Variants in CHN2 observed in about 807,000 individuals in gnomAD.
The protein encoded by CHN2 is chimerin 2, also known as beta-chimaerin.
Under a neutral mutation model 56.3 loss-of-function variants are expected in CHN2, and 35 were observed. That is an observed-to-expected ratio of 0.62 (90% CI 0.47 to 0.82). The LOEUF (loss-of-function observed/expected upper bound fraction) is 0.82, where lower values mean the gene tolerates loss of function less well. Among genes scored for constraint, CHN2 ranks in the 40% least tolerant of loss-of-function variants. The probability of loss-of-function intolerance (pLI) is 0.00; values close to 1 mark genes in which losing one functional copy is unlikely to be tolerated. For synonymous variants in CHN2, 210 were observed against 212.8 expected (o/e 0.99, Z 0.12); for missense variants, 491 against 580.5 (o/e 0.85, Z 1.58).
intron 1 of CHN2, among the ~76,000 whole-genome samples, chr7:29,351,474 A>T (rs1354786214): frequency 6.6e-6 from 1 of 152,234 alleles, no homozygotes; most frequent in African/African-American, 2.4e-5. Context: ...AAATAATTTC[A>T]GAGGGTAATA....
chr7:29,342,372 G>C (rs1182976013), intron 1 of CHN2, among the ~76,000 whole-genome samples: 5 of 152,204 alleles, frequency 3.3e-5, no homozygotes, highest in Non-Finnish European at 7.4e-5. Flanking sequence ...GAGGACCTCA[G>C]CTTCTCTTCC....
chr7:29,152,235 T>A (rs1040650381), intron 2 of CHN2, among the ~76,000 whole-genome samples: 2 of 152,174 alleles, frequency 1.3e-5, no homozygotes, highest in African/African-American at 4.8e-5. Context: ...GCATAAAACC[T>A]TATGTTGCTT....
Position 29,512,735 on chromosome 7 carries a change from ATCCATCAGGGAAATGAGC to A in CHN2, c.*2_*19del. On this transcript the variant is annotated 3_prime_UTR_variant, in exon 13 of 13. Coordinates refer to ENST00000222792, the MANE Select transcript of CHN2 (RefSeq NM_004067.4). ...TAGAAAACGAAGACGTTTTATTCTA[ATCCATCAGGGAAATGAGC>A]TGAATGGCCCCAGCACCATCCAAGT... The A allele has an allele frequency of 6.2e-7, 1 of 1,613,796 alleles. No homozygotes were observed. Among genetic ancestry groups the A allele is most frequent in the Non-Finnish European group, 8.5e-7 (1 of 1,179,894 alleles).
chr7:29,375,190 C>CTTTTTTTTTTTTTTTTTT lies in CHN2; in HGVS notation c.144+7214_144+7231dup, dbSNP rs70980534. Among the ~76,000 whole-genome samples, 4 of 77,908 alleles carry CTTTTTTTTTTTTTTTTTT rather than the reference C, an allele frequency of 5.1e-5. 2 individuals carry two copies. The highest frequency in any genetic ancestry group is 1.2e-4 in the African/African-American group (2 of 16,174). 51.1% of individuals were successfully genotyped at this position (77,908 alleles called of 152,430 possible). On this transcript the variant is annotated intron_variant, in intron 3 of 12. Transcript: ENST00000222792. Reference sequence around the variant, plus strand: ...CAAGCATGAGCCACCGTGCTCGGCCCTTTTTTTTTTTTTTTTTTTTTTTTT... The same window carrying CTTTTTTTTTTTTTTTTTT: ...CAAGCATGAGCCACCGTGCTCGGCCCTTTTTTTTTTTTTTTTTTTTTTTTTTTTTTTTTTTTTTTTTTT...
intron 1 of CHN2, among the ~76,000 whole-genome samples, chr7:29,233,743 G>T (rs972436255): frequency 6.8e-6 from 1 of 148,084 alleles, no homozygotes; most frequent in African/African-American, 2.5e-5. Context: ...CAGGACTGCT[G>T]GCAGCCTGTA....
intron 3 of CHN2, among the ~76,000 whole-genome samples, chr7:29,388,374 G>A (rs1242651389): frequency 6.6e-6 from 1 of 152,184 alleles, no homozygotes; most frequent in Non-Finnish European, 1.5e-5. Flanking sequence ...AGCAAGGGAT[G>A]GGCCTAACCC....
At chr7:29,462,452 G>C (rs1324465845) in intron 6 of CHN2, among the ~76,000 whole-genome samples, 1 of 152,176 alleles carries the variant, frequency 6.6e-6, no homozygotes, top group Non-Finnish European at 1.5e-5. Flanking sequence ...CATCTGAGAA[G>C]ACTCAAAGTC....
intron 2 of CHN2, among the ~76,000 whole-genome samples, chr7:29,155,925 G>A (rs547628652): frequency 1.3e-5 from 2 of 152,318 alleles, no homozygotes; most frequent in African/African-American, 2.4e-5. Context: ...GCCCTGAGCC[G>A]ATAGATCTAG....
chr7:29,500,089 T>G, intron 9 of CHN2, 49 bp downstream of exon 9: 1 of 1,368,584 alleles, frequency 7.3e-7, no homozygotes, highest in Non-Finnish European at 9.7e-7. Flanking sequence ...TTATTTTTAT[T>G]GTTTGTTTTT....
intron 2 of CHN2, among the ~76,000 whole-genome samples, chr7:29,362,477 G>A (rs1798813941): frequency 1.3e-5 from 2 of 152,144 alleles, no homozygotes; most frequent in African/African-American, 4.8e-5. Flanking sequence ...TTAAAACAGA[G>A]TAGATCATGG....
At chr7:29,508,556 A>G (rs1469291270) in intron 11 of CHN2, among the ~76,000 whole-genome samples, 1 of 151,946 alleles carries the variant, frequency 6.6e-6, no homozygotes, top group Non-Finnish European at 1.5e-5. Flanking sequence ...TGAGGCCCTG[A>G]CCCCGGTAAG....
intron 6 of CHN2, among the ~76,000 whole-genome samples, chr7:29,411,602 T>C (rs1803221727): frequency 1.3e-5 from 2 of 152,076 alleles, no homozygotes; most frequent in African/African-American, 4.8e-5. Context: ...GACCATGTGG[T>C]CAAGTCAGAG....
intron 1 of CHN2, among the ~76,000 whole-genome samples, chr7:29,287,468 C>T (rs1792244671): frequency 6.6e-6 from 1 of 152,172 alleles, no homozygotes; most frequent in Non-Finnish European, 1.5e-5. Context: ...CCTCAGTTTA[C>T]TCATTTGTGA....
At chr7:29,391,846 G>A (rs1049220253) in intron 3 of CHN2, among the ~76,000 whole-genome samples, 2 of 152,154 alleles carry the variant, frequency 1.3e-5, no homozygotes, top group East Asian at 1.9e-4. Context: ...TTTTATCATT[G>A]GTTGATGAAC....
At chr7:29,170,980 C>T (rs1467632865) in intron 2 of CHN2, among the ~76,000 whole-genome samples, 1 of 152,164 alleles carries the variant, frequency 6.6e-6, no homozygotes, top group African/African-American at 2.4e-5. Context: ...CACGGGGTCC[C>T]TCCCACAACA....
intron 6 of CHN2, among the ~76,000 whole-genome samples, chr7:29,418,591 TCTGGGCTTAGCGAAAGCATACAC>T (rs1804012871): frequency 6.6e-6 from 1 of 152,234 alleles, no homozygotes; most frequent in Admixed American, 6.5e-5. Context: ...CTGATTGCCC[TCTGGGCTTAGCGAAAGCATACAC>T]CCCGTTGAGT....
intron 3 of CHN2, among the ~76,000 whole-genome samples, chr7:29,390,700 A>G (rs1348220294): frequency 6.6e-6 from 1 of 152,222 alleles, no homozygotes; most frequent in African/African-American, 2.4e-5. Flanking sequence ...TTCTTTAATT[A>G]AATTCAGTTT....
chr7:29,482,494 A>G (rs545790473), intron 7 of CHN2, among the ~76,000 whole-genome samples: 12 of 152,166 alleles, frequency 7.9e-5, no homozygotes, highest in Non-Finnish European at 1.5e-4. Flanking sequence ...GGCTCAGGCT[A>G]TAAATACAGT....
rs182788355 is a variant in CHN2 at position 29,213,117 on chromosome 7, C to T, written c.49+18127C>T. ...CTGCCTTGGAAGCTGCAGGGGAAGG[C>T]CTTAATGTAATAAGCAAATGACTAG... On this transcript the variant is annotated intron_variant, in intron 1 of 12. Coordinates refer to ENST00000222792, the MANE Select transcript of CHN2 (RefSeq NM_004067.4). The T allele has an allele frequency of 3.1e-6, 5 of 1,587,612 alleles. No homozygotes were observed. The East Asian group carries it at 8.9e-5, about 28-fold the overall frequency.
Sources: gnomAD v4.1 joint callset for allele counts (sites outside exome capture counted in the v4.1 genomes callset) on GRCh38, gnomAD v4.1.1 for gene constraint, MANE v1.5 for transcripts, NCBI Gene and HGNC (gene_info 2026-07-23, HGNC 2026-07-21) for gene names.